The following ROS1 variants were observed in gnomAD, a reference collection of about 807,000 sequenced individuals.
The protein encoded by ROS1 is ROS proto-oncogene 1, receptor tyrosine kinase.
Under a neutral mutation model 273.5 loss-of-function variants are expected in ROS1, and 263 were observed. The ratio of observed to expected loss-of-function variants is 0.96; its 90% CI spans 0.87 to 1.06. ROS1 has a LOEUF of 1.06. Ranked by LOEUF, ROS1 falls within the 50% of genes least tolerant of loss-of-function variation. The pLI is 0.00. For synonymous variants in ROS1, 1,008 were observed against 954.1 expected, an observed-to-expected ratio of 1.06 and a Z score of -1.04; for missense variants, 2,833 against 2,751.1, an observed-to-expected ratio of 1.03 and a Z score of -0.67.
At chr6:117,412,852 G>T (rs1388060594) in intron 4 of ROS1, among the ~76,000 whole-genome samples, 1 of 152,158 alleles carries the variant, frequency 6.6e-6, no homozygotes, top group Non-Finnish European at 1.5e-5. Flanking sequence ...ATGCTTTAAA[G>T]GCTCTCTCTC....
At chr6:117,380,729 A>T (rs1772058203) in intron 17 of ROS1, among the ~76,000 whole-genome samples, 1 of 152,100 alleles carries the variant, frequency 6.6e-6, no homozygotes, top group African/African-American at 2.4e-5. Context: ...TTAAACAGTC[A>T]GAGGGTACTC....
intron 32 of ROS1, among the ~76,000 whole-genome samples, chr6:117,334,563 C>T (rs1450342599): frequency 1.3e-5 from 2 of 152,034 alleles, no homozygotes; most frequent in East Asian, 3.9e-4. Flanking sequence ...AAAGAACAAA[C>T]TTGGAGGCAT....
chr6:117,321,427 T>C (rs1270221167), intron 35 of ROS1, 33 bp from the exon 36 acceptor site: 1 of 1,546,778 alleles, frequency 6.5e-7, no homozygotes, highest in East Asian at 2.3e-5. Context: ...ATTTACAAAA[T>C]AAAATATTGC....
intron 43 of ROS1, 123 bp from the exon 44 acceptor site, chr6:117,288,925 A>G (rs1370769329): frequency 1.3e-6 from 1 of 770,508 alleles, no homozygotes; most frequent in Non-Finnish European, 2.0e-6. Flanking sequence ...ACATTTATGA[A>G]GACTACTAAG....
intron 35 of ROS1, among the ~76,000 whole-genome samples, chr6:117,323,529 T>TATTG (rs913374417): frequency 6.6e-6 from 1 of 152,098 alleles, no homozygotes; most frequent in African/African-American, 2.4e-5. Flanking sequence ...ATATTAGCAA[T>TATTG]AGATAGGGGT....
chr6:117,416,338 C>T (rs771971576), intron 2 of ROS1, 21 bp from the exon 3 acceptor site: 2 of 1,528,580 alleles, frequency 1.3e-6, no homozygotes, highest in South Asian at 2.2e-5. Flanking sequence ...CAATAACAGA[C>T]AATGGTGAGT....
At chr6:117,293,193 G>A (rs1773967246) in intron 43 of ROS1, among the ~76,000 whole-genome samples, 1 of 151,762 alleles carries the variant, frequency 6.6e-6, no homozygotes, top group Non-Finnish European at 1.5e-5. Context: ...TCCTTCCTCT[G>A]GACTCCCACA....
chr6:117,371,454 C>G (rs1465829674), intron 18 of ROS1, among the ~76,000 whole-genome samples: 1 of 152,108 alleles, frequency 6.6e-6, no homozygotes, highest in Non-Finnish European at 1.5e-5. Flanking sequence ...CCATTCCTGA[C>G]TTTGTCTTGC....
At chr6:117,389,206 C>CTT in intron 13 of ROS1, 144 bp downstream of exon 13, 1 of 902,036 alleles carries the variant, frequency 1.1e-6, no homozygotes, top group Non-Finnish European at 1.7e-6. Flanking sequence ...AATGTATAAA[C>CTT]TTTTTTTTTA....
chr6:117,310,961 C>G (rs1775498553), intron 40 of ROS1, 59 bp downstream of exon 40: 3 of 1,027,868 alleles, frequency 2.9e-6, no homozygotes, highest in Non-Finnish European at 4.5e-6. Flanking sequence ...TTTACCTGCA[C>G]TACAGGTGAT....
At chr6:117,409,557 T>G in intron 5 of ROS1, 25 bp downstream of exon 5, 2 of 1,594,632 alleles carry the variant, frequency 1.3e-6, no homozygotes, top group Non-Finnish European at 1.7e-6. Flanking sequence ...AGCCTATTTT[T>G]TAAAAGTCGT....
At chr6:117,399,690 C>T (rs1316676532) in intron 7 of ROS1, among the ~76,000 whole-genome samples, 1 of 152,210 alleles carries the variant, frequency 6.6e-6, no homozygotes, top group African/African-American at 2.4e-5. Flanking sequence ...CCAGCATTCG[C>T]CTTCCTCTAA....
rs369993254 is a variant in ROS1 at position 117,337,265 on chromosome 6, G to T, written c.5137C>A (p.Leu1713Ile). 5.0e-6 allele frequency: 8 copies of T among 1,612,414 alleles called. No homozygotes were observed. Among genetic ancestry groups the T allele is most frequent in the South Asian group, 1.1e-5 (1 of 90,976 alleles). Reference sequence around the variant, plus strand: ...ACATTATATGAAGTATAAGGTTGTAGATTTGTGATATTACAGACATAAGCA... The same window carrying T: ...ACATTATATGAAGTATAAGGTTGTATATTTGTGATATTACAGACATAAGCA... ...GPAYVCNITNLQPYTSYNVRV... is the reference protein window; with the variant it reads ...GPAYVCNITNIQPYTSYNVRV... The change falls in exon 32 of 44, where the codon CTA becomes ATA. Residue 1713 changes from leucine to isoleucine, a missense_variant. Transcript: ENST00000368507.
At position 117,409,635 on chromosome 6, in the gene ROS1, G is replaced by A. The variant is rs150941257; in HGVS notation, c.263C>T (p.Ser88Leu). 1.2e-4 allele frequency: 194 copies of A among 1,613,572 alleles called. No individual in the cohort carries two copies. The highest frequency in any genetic ancestry group is 1.8e-4 in the South Asian group (16 of 91,066). Reference protein sequence around the residue: ...DTYATVCERESCEVGCSSAEG... With the variant: ...DTYATVCERELCEVGCSSAEG... ...CGCGCTGCTACAGCCAACCTCACAC[G>A]ACTCCCGCTGTGGAAGACAGGGAGC... Residue 88 changes from serine (S) to leucine (L), a missense_variant, in exon 5 of 44, where the codon TCG becomes TTG. Physicochemically the swap from Ser to Leu is moderately radical, Grantham distance 145. Transcript: ENST00000368507.
At chr6:117,372,410 A>T (rs1460846447) in intron 18 of ROS1, among the ~76,000 whole-genome samples, 1 of 152,250 alleles carries the variant, frequency 6.6e-6, no homozygotes, top group African/African-American at 2.4e-5. Flanking sequence ...TTCAGAATAC[A>T]AAATTAATGT....
chr6:117,289,661 C>G (rs1366893011), intron 43 of ROS1, among the ~76,000 whole-genome samples: 1 of 152,188 alleles, frequency 6.6e-6, no homozygotes, highest in African/African-American at 2.4e-5. Flanking sequence ...GGTTCACAGG[C>G]TCTTTGGTAT....
chr6:117,353,324 G>A (rs1396584765), intron 26 of ROS1, among the ~76,000 whole-genome samples, 158 bp from the exon 27 acceptor site: 1 of 151,926 alleles, frequency 6.6e-6, no homozygotes, highest in East Asian at 1.9e-4. Flanking sequence ...TTTGACTAAG[G>A]GTTTTAGAGA....
intron 43 of ROS1, among the ~76,000 whole-genome samples, chr6:117,291,878 C>T (rs916211873): frequency 6.6e-5 from 10 of 152,024 alleles, no homozygotes; most frequent in African/African-American, 2.2e-4. Flanking sequence ...CTCAAGGGTC[C>T]GTGGAGACTT....
chr6:117,357,574 G>A (rs747585335), intron 25 of ROS1, among the ~76,000 whole-genome samples: 1 of 152,112 alleles, frequency 6.6e-6, no homozygotes, highest in Non-Finnish European at 1.5e-5. Context: ...TTTCCTTTTA[G>A]GTAATTAGCC....
Sources: gnomAD v4.1 joint callset for allele counts (sites outside exome capture counted in the v4.1 genomes callset) on GRCh38, gnomAD v4.1.1 for gene constraint, MANE v1.5 for transcripts, NCBI Gene and HGNC (gene_info 2026-07-23, HGNC 2026-07-21) for gene names.